The following XIRP2 variants were observed in gnomAD, a reference collection of about 807,000 sequenced individuals.
XIRP2 encodes the protein xin actin-binding repeat-containing protein 2.
In XIRP2, 236 loss-of-function variants were observed where a neutral mutation model predicts 277.0. The observed-to-expected ratio is 0.85, with a 90% CI of 0.77 to 0.95. The LOEUF (loss-of-function observed/expected upper bound fraction) is 0.95, where lower values mean the gene tolerates loss of function less well. Among genes scored for constraint, XIRP2 ranks in the 40% least tolerant of loss-of-function variants. The probability of loss-of-function intolerance (pLI) is 0.00; values close to 1 mark genes in which losing one functional copy is unlikely to be tolerated. For synonymous variants in XIRP2, 1,490 were observed against 1,416.5 expected, an observed-to-expected ratio of 1.05 and a Z score of -1.17; for missense variants, 4,640 against 4,157.5, an observed-to-expected ratio of 1.12 and a Z score of -3.19.
intron 2 of XIRP2, among the ~76,000 whole-genome samples, chr2:166,977,908 AT>A (rs2105428876): frequency 6.6e-6 from 1 of 152,304 alleles, no homozygotes; most frequent in Admixed American, 6.5e-5. Flanking sequence ...AAACTTACAT[AT>A]TCTGTATAAG....
intron 2 of XIRP2, among the ~76,000 whole-genome samples, chr2:167,016,661 A>T (rs1372392073): frequency 6.6e-6 from 1 of 151,966 alleles, no homozygotes; most frequent in Non-Finnish European, 1.5e-5. Flanking sequence ...AAACGAAAAG[A>T]TACTTATTGG....
In XIRP2 at chr2:166,911,854, C is replaced by G. The variant is rs568272445; in HGVS notation, c.408+7964C>G. On this transcript the variant is annotated intron_variant, in intron 2 of 10. Coordinates refer to ENST00000409195, the MANE Select transcript of XIRP2 (RefSeq NM_152381.6). ...TGCTTGTCTGTAAAGTATTTTATTTCTCCTTCACTTATGAAGCTTAGTTTG... is the reference window on the plus strand; with the variant it reads ...TGCTTGTCTGTAAAGTATTTTATTTGTCCTTCACTTATGAAGCTTAGTTTG... Among the ~76,000 whole-genome samples the G allele has an allele frequency of 1.4e-4, 22 of 152,220 alleles. No individual in the cohort carries two copies. The South Asian group carries it at 2.3e-3, about 16-fold the overall frequency.
intron 3 of XIRP2, among the ~76,000 whole-genome samples, chr2:167,148,324 G>C (rs748982148): frequency 6.6e-5 from 10 of 151,322 alleles, no homozygotes; most frequent in Non-Finnish European, 1.5e-4. Flanking sequence ...AGAGGTTGCA[G>C]TGAGCCGAGA....
At chr2:167,055,173 C>T (rs1415830955) in intron 2 of XIRP2, among the ~76,000 whole-genome samples, 1 of 152,044 alleles carries the variant, frequency 6.6e-6, no homozygotes, top group Non-Finnish European at 1.5e-5. Context: ...TTTTGTAAAA[C>T]CTTTGAAAAC....
intron 2 of XIRP2, among the ~76,000 whole-genome samples, chr2:166,913,317 C>G (rs1044574059): frequency 6.8e-5 from 9 of 132,140 alleles, no homozygotes; most frequent in African/African-American, 1.8e-4. Context: ...GGCACCCCCC[C>G]CCCCCAGCCT....
intron 2 of XIRP2, among the ~76,000 whole-genome samples, chr2:167,084,806 A>G (rs1272152067): frequency 1.3e-5 from 2 of 149,430 alleles, no homozygotes; most frequent in South Asian, 2.1e-4. Flanking sequence ...ATCATTTTTT[A>G]TTGTGTCTAT....
chr2:166,927,413 T>A (rs1251699948), intron 2 of XIRP2, among the ~76,000 whole-genome samples: 1 of 152,124 alleles, frequency 6.6e-6, no homozygotes, highest in Non-Finnish European at 1.5e-5. Flanking sequence ...TGTTGGCAAG[T>A]CTGCATTTTT....
At chr2:167,256,433 A>T (rs553839633) in intron 10 of XIRP2, among the ~76,000 whole-genome samples, 3 of 150,946 alleles carry the variant, frequency 2.0e-5, no homozygotes, top group Admixed American at 6.6e-5. Flanking sequence ...TTTATCTTTT[A>T]TTTCTATTTT....
chr2:167,241,946 G>GT, intron 8 of XIRP2, 36 bp downstream of exon 8: 1 of 1,566,808 alleles, frequency 6.4e-7, no homozygotes, highest in South Asian at 1.2e-5. Context: ...CATACTAAGT[G>GT]TAAGACCAAG....
intron 2 of XIRP2, among the ~76,000 whole-genome samples, chr2:167,121,551 T>C (rs1249190298): frequency 6.6e-6 from 1 of 152,190 alleles, no homozygotes; most frequent in Non-Finnish European, 1.5e-5. Flanking sequence ...AGTAATGTGG[T>C]CAATTGAAAC....
chr2:167,194,168 G>T (rs1486482956), intron 3 of XIRP2, among the ~76,000 whole-genome samples: 4 of 150,964 alleles, frequency 2.6e-5, no homozygotes, highest in African/African-American at 7.3e-5. Flanking sequence ...TGCAACCTCC[G>T]CCTCCTGGGT....
intron 3 of XIRP2, among the ~76,000 whole-genome samples, chr2:167,181,825 G>T (rs1693017632): frequency 6.6e-6 from 1 of 152,100 alleles, no homozygotes; most frequent in Non-Finnish European, 1.5e-5. Flanking sequence ...ATCCTACTCA[G>T]TGTGTGCTCC....
intron 2 of XIRP2, among the ~76,000 whole-genome samples, chr2:167,026,302 T>G (rs192329587): frequency 2.6e-4 from 39 of 152,192 alleles, no homozygotes; most frequent in South Asian, 1.5e-3. Flanking sequence ...GTTTTCCATT[T>G]GCTTGGTAGA....
intron 3 of XIRP2, among the ~76,000 whole-genome samples, chr2:167,178,634 C>A (rs1045498851): frequency 2.0e-5 from 3 of 151,886 alleles, no homozygotes; most frequent in Non-Finnish European, 4.4e-5. Flanking sequence ...CATATTTGTT[C>A]ATAAGTTTTT....
rs772242281 is a variant in XIRP2 at position 167,251,206 on chromosome 2, G to C, written c.9814G>C (p.Val3272Leu). The change falls in exon 9 of 11, where the codon GTT becomes CTT. Residue 3272 changes from valine to leucine, a missense_variant. Coordinates refer to ENST00000409195, the MANE Select transcript of XIRP2 (RefSeq NM_152381.6). The part of the protein sequence containing the change: ...IRKVEKRATY[V>L]HKDGLNSTDH... ...GAAAGTGGAGAAGAGAGCTACTTAT[G>C]TTCATAAAGATGGACTAAATTCCAC... is the stretch of plus-strand genomic sequence containing the variant. 3 of 1,613,542 alleles carry C rather than the reference G, an allele frequency of 1.9e-6. No individual in the cohort carries two copies. The highest frequency in any genetic ancestry group is 3.3e-5 in the Admixed American group (2 of 59,978).
intron 2 of XIRP2, among the ~76,000 whole-genome samples, chr2:166,981,011 C>T (rs1294032829): frequency 6.6e-6 from 1 of 152,124 alleles, no homozygotes; most frequent in African/African-American, 2.4e-5. Context: ...AAAATATATA[C>T]TCTTAACAAG....
At chr2:167,002,277 A>T (rs186492905) in intron 2 of XIRP2, among the ~76,000 whole-genome samples, 40 of 152,174 alleles carry the variant, frequency 2.6e-4, no homozygotes, top group African/African-American at 9.1e-4. Context: ...GCCCTGGATA[A>T]ATCTGTTTAA....
At chr2:167,226,421 A>T (rs1421986376) in intron 5 of XIRP2, among the ~76,000 whole-genome samples, 1 of 152,124 alleles carries the variant, frequency 6.6e-6, no homozygotes, top group Non-Finnish European at 1.5e-5. Flanking sequence ...TTTTTGTAGA[A>T]ATTGAATCAA....
At chr2:166,953,388 A>G (rs1279389358) in intron 2 of XIRP2, among the ~76,000 whole-genome samples, 2 of 151,870 alleles carry the variant, frequency 1.3e-5, no homozygotes, top group Non-Finnish European at 2.9e-5. Context: ...TGGTTTTATA[A>G]AAGGAAGTTT....
Sources: gnomAD v4.1 joint callset for allele counts (sites outside exome capture counted in the v4.1 genomes callset) on GRCh38, gnomAD v4.1.1 for gene constraint, MANE v1.5 for transcripts, NCBI Gene and HGNC (gene_info 2026-07-23, HGNC 2026-07-21) for gene names.